ATG10: variants seen among roughly 807,000 people sequenced by gnomAD.
ATG10 encodes ubiquitin-like-conjugating enzyme ATG10.
A neutral mutation model predicts 32.1 loss-of-function variants in ATG10; 30 were observed. The ratio of observed to expected loss-of-function variants is 0.94; its 90% confidence interval spans 0.70 to 1.27. The LOEUF is 1.27. Ranked by LOEUF, ATG10 falls within the 50% of genes most tolerant of loss-of-function variation. The pLI, the probability that ATG10 is intolerant of heterozygous loss-of-function variation, is 0.00. For synonymous variants in ATG10, 87 were observed against 91.5 expected, an observed-to-expected ratio of 0.95 and a Z score of 0.28; for missense variants, 233 against 262.3, an observed-to-expected ratio of 0.89 and a Z score of 0.77.
intron 3 of ATG10, among the ~76,000 whole-genome samples, chr5:82,128,034 T>C (rs529457793): frequency 1.3e-5 from 2 of 152,256 alleles, no homozygotes; most frequent in Non-Finnish European, 2.9e-5. Context: ...TACCATTACA[T>C]AATGCCCTTC....
At chr5:81,980,799 TG>T (rs1370756452) in intron 1 of ATG10, among the ~76,000 whole-genome samples, 1 of 152,112 alleles carries the variant, frequency 6.6e-6, no homozygotes, top group Non-Finnish European at 1.5e-5. Context: ...ACTGCACTAC[TG>T]GGAGAGAACT....
intron 4 of ATG10, among the ~76,000 whole-genome samples, chr5:82,177,421 G>C (rs1338412444): frequency 6.6e-6 from 1 of 152,014 alleles, no homozygotes. Context: ...TGTTGCCCTT[G>C]ATGACCAAAT....
At chr5:82,012,124 TACTG>T (rs1276070163) in intron 2 of ATG10, among the ~76,000 whole-genome samples, 1 of 152,182 alleles carries the variant, frequency 6.6e-6, no homozygotes, top group East Asian at 1.9e-4. Context: ...AGAACCACCA[TACTG>T]ACCCTCTGGG....
At position 82,256,120 on chromosome 5, in the gene ATG10, A is replaced by G. The variant is rs1747449264; in HGVS notation, c.*2057A>G. ...TGTCATTTCTAGTGTAAAATAAATT[A>G]TAATAATGTGTCATCTGAATGGTGT... On this transcript the variant is annotated 3_prime_UTR_variant, in exon 8 of 8. Transcript: ENST00000282185. 6.6e-6 allele frequency: 1 copy of G among 152,214 alleles called. No homozygotes were observed. Among genetic ancestry groups the G allele is most frequent in the African/African-American group, 2.4e-5 (1 of 41,440 alleles). 9.4% of individuals were successfully genotyped at this position (152,214 alleles called of 1,614,324 possible). A position where few individuals can be genotyped will look rare whatever the true frequency, so the allele number is the denominator to read the frequency against.
chr5:82,177,971 T>TGTTA (rs1258830772), intron 4 of ATG10, among the ~76,000 whole-genome samples: 1 of 152,168 alleles, frequency 6.6e-6, no homozygotes, highest in East Asian at 1.9e-4. Flanking sequence ...CCTCAGTAGA[T>TGTTA]GTTAGGCTCC....
chr5:82,033,963 TATATA>T lies in ATG10; in HGVS notation c.109-24531_109-24527del, dbSNP rs576889479. On this transcript the variant is annotated intron_variant, in intron 2 of 7. Coordinates refer to ENST00000282185, the MANE Select transcript of ATG10 (RefSeq NM_031482.5). The stretch of plus-strand genomic sequence containing the variant: ...TGTACTATGTATATGTATATATACA[TATATA>T]GTATATATACATACATGTATATAGT... 1.0e-4 allele frequency among the ~76,000 whole-genome samples: 15 copies of T among 147,892 alleles called. 2 individuals carry two copies. In the East Asian group the frequency reaches 2.9e-3, roughly 29 times the overall value.
intron 5 of ATG10, among the ~76,000 whole-genome samples, chr5:82,216,297 C>A (rs1439196323): frequency 6.6e-6 from 1 of 152,192 alleles, no homozygotes; most frequent in Non-Finnish European, 1.5e-5. Context: ...GGCCTGGAGC[C>A]ACCCTGGCTT....
chr5:82,197,756 A>G (rs142887313), intron 5 of ATG10, among the ~76,000 whole-genome samples: 1 of 150,120 alleles, frequency 6.7e-6, no homozygotes, highest in African/African-American at 2.5e-5. Context: ...CTATCTATCT[A>G]TCTATCTATC....
intron 2 of ATG10, among the ~76,000 whole-genome samples, chr5:82,006,355 A>G (rs977187470): frequency 5.9e-5 from 9 of 152,208 alleles, no homozygotes; most frequent in Admixed American, 3.3e-4. Flanking sequence ...TCAAGCATAC[A>G]AAAGTAAAGA....
chr5:82,129,248 C>T (rs1313493020), intron 3 of ATG10, among the ~76,000 whole-genome samples: 1 of 151,906 alleles, frequency 6.6e-6, no homozygotes, highest in Non-Finnish European at 1.5e-5. Context: ...ATTTCTCTAA[C>T]CATTTTTCAA....
intron 3 of ATG10, among the ~76,000 whole-genome samples, chr5:82,087,775 A>G (rs1764740255): frequency 6.6e-6 from 1 of 152,096 alleles, no homozygotes; most frequent in South Asian, 2.1e-4. Flanking sequence ...ATCCTTAAAA[A>G]TTTGCTGAGA....
At chr5:82,224,555 G>A (rs1439835185) in intron 5 of ATG10, among the ~76,000 whole-genome samples, 1 of 152,180 alleles carries the variant, frequency 6.6e-6, no homozygotes, top group African/African-American at 2.4e-5. Flanking sequence ...CAGGGGGAAG[G>A]AGAGAATAGA....
chr5:82,088,557 C>T (rs868624656), intron 3 of ATG10, among the ~76,000 whole-genome samples: 2 of 152,162 alleles, frequency 1.3e-5, no homozygotes, highest in African/African-American at 4.8e-5. Flanking sequence ...AACTAGAGTG[C>T]GTTCCTCCTT....
At chr5:82,120,627 A>G (rs890621753) in intron 3 of ATG10, among the ~76,000 whole-genome samples, 5 of 151,960 alleles carry the variant, frequency 3.3e-5, no homozygotes, top group Admixed American at 2.6e-4. Flanking sequence ...TTAAGAGGAG[A>G]TAAAAGAGAA....
chr5:82,168,568 C>G (rs150734387), intron 4 of ATG10, among the ~76,000 whole-genome samples: 1,702 of 152,152 alleles, frequency 0.011, 30 homozygotes, highest in African/African-American at 0.039. Context: ...AATGGCTGTC[C>G]TTTATGGAGA....
chr5:82,115,958 G>A (rs1258419907), intron 3 of ATG10, among the ~76,000 whole-genome samples: 1 of 152,124 alleles, frequency 6.6e-6, no homozygotes, highest in Non-Finnish European at 1.5e-5. Context: ...GTGGGAATAG[G>A]TAAAAGGCTG....
At chr5:82,149,171 A>T (rs574374815) in intron 3 of ATG10, among the ~76,000 whole-genome samples, 2 of 152,012 alleles carry the variant, frequency 1.3e-5, no homozygotes, top group Admixed American at 1.3e-4. Context: ...TTATCTCATA[A>T]GCTTGCTTAT....
chr5:82,120,406 C>T (rs1485683316), intron 3 of ATG10, among the ~76,000 whole-genome samples: 1 of 152,128 alleles, frequency 6.6e-6, no homozygotes, highest in East Asian at 1.9e-4. Flanking sequence ...CAGGCAGTTT[C>T]AGAGCCTGCT....
intron 1 of ATG10, among the ~76,000 whole-genome samples, chr5:81,977,281 G>T (rs1257577244): frequency 6.6e-6 from 1 of 152,158 alleles, no homozygotes; most frequent in Non-Finnish European, 1.5e-5. Context: ...TGAGGCCCTA[G>T]AGTTAAATTC....
Sources: gnomAD v4.1 joint callset for allele counts (sites outside exome capture counted in the v4.1 genomes callset) on GRCh38, gnomAD v4.1.1 for gene constraint, MANE v1.5 for transcripts, NCBI Gene and HGNC (gene_info 2026-07-23, HGNC 2026-07-21) for gene names.